Variants in CCDC141 observed in about 807,000 individuals in gnomAD.
CCDC141 encodes coiled-coil domain containing 141.
CCDC141 carries 168 observed loss-of-function variants against 181.0 expected under a neutral mutation model. That is an observed-to-expected ratio of 0.93 (90% CI 0.82 to 1.05). The LOEUF is 1.05. Among genes scored for constraint, CCDC141 ranks in the 50% least tolerant of loss-of-function variants. The pLI is 0.00. For missense variants in CCDC141, 1,902 were observed against 1,788.5 expected (o/e 1.06, Z -1.14); for synonymous variants, 666 against 642.3 (o/e 1.04, Z -0.56).
chr2:179,000,121 C>T (rs1008718024), intron 2 of CCDC141, among the ~76,000 whole-genome samples: 3 of 150,822 alleles, frequency 2.0e-5, no homozygotes, highest in African/African-American at 7.3e-5. Flanking sequence ...CAGTATAGAT[C>T]ATGGATCAAC....
At position 178,831,707 on chromosome 2, in the gene CCDC141, T is replaced by C. The variant is rs1036661171; in HGVS notation, c.*2466A>G. The C allele has an allele frequency of 1.3e-5, 2 of 152,134 alleles. No individual in the cohort carries two copies. Among genetic ancestry groups the C allele is most frequent in the East Asian group, 3.9e-4 (2 of 5,194 alleles). 9.4% of individuals were successfully genotyped at this position (152,134 alleles called of 1,614,324 possible). A position where few individuals can be genotyped will look rare whatever the true frequency, so the allele number is the denominator to read the frequency against. On this transcript the variant is annotated 3_prime_UTR_variant, in exon 24 of 24. Coordinates refer to ENST00000443758, the MANE Select transcript of CCDC141 (RefSeq NM_173648.4). ...CACTTAACTTTTTGAAATTAAAACA[T>C]AACCAGAAGAATAACTGCGTAATTA...
At chr2:178,863,229 A>C (rs1236209624) in intron 17 of CCDC141, among the ~76,000 whole-genome samples, 1 of 152,186 alleles carries the variant, frequency 6.6e-6, no homozygotes, top group Non-Finnish European at 1.5e-5. Context: ...TATGCTCCTC[A>C]GTTTTCCCAT....
intron 2 of CCDC141, among the ~76,000 whole-genome samples, chr2:179,015,278 C>CTA (rs2042441747): frequency 1.8e-5 from 2 of 111,944 alleles, no homozygotes; most frequent in Non-Finnish European, 3.7e-5. Context: ...TATATCTCAT[C>CTA]TATCTCTCAT....
At chr2:178,955,065 A>G (rs554759627) in intron 5 of CCDC141, among the ~76,000 whole-genome samples, 2 of 152,236 alleles carry the variant, frequency 1.3e-5, no homozygotes, top group Non-Finnish European at 2.9e-5. Flanking sequence ...GCAGCAGATC[A>G]CTTGAGCCCA....
intron 17 of CCDC141, among the ~76,000 whole-genome samples, chr2:178,860,407 C>G (rs10930838): frequency 0.043 from 6,505 of 151,644 alleles, 182 homozygotes; most frequent in East Asian, 0.15. Flanking sequence ...GTGGTGCATG[C>G]CTGTAATCAC....
chr2:179,015,717 ATC>A (rs2154385190), intron 2 of CCDC141, among the ~76,000 whole-genome samples: 1 of 142,488 alleles, frequency 7.0e-6, no homozygotes, highest in African/African-American at 2.6e-5. Flanking sequence ...TCTCATACAT[ATC>A]TCATATATAT....
intron 14 of CCDC141, among the ~76,000 whole-genome samples, chr2:178,870,949 A>G (rs1274358805): frequency 6.6e-6 from 1 of 152,046 alleles, no homozygotes; most frequent in Non-Finnish European, 1.5e-5. Flanking sequence ...GGTGGAGTGG[A>G]GGGCACAGCA....
At chr2:178,846,672 C>T (rs1165134709) in intron 21 of CCDC141, among the ~76,000 whole-genome samples, 1 of 152,126 alleles carries the variant, frequency 6.6e-6, no homozygotes, top group African/African-American at 2.4e-5. Context: ...GGAAAGAATG[C>T]TAGATTTTGA....
intron 20 of CCDC141, among the ~76,000 whole-genome samples, chr2:178,852,455 G>A (rs1218498382): frequency 6.6e-6 from 1 of 152,132 alleles, no homozygotes; most frequent in Non-Finnish European, 1.5e-5. Context: ...GCACTCACAC[G>A]GTAACTCCAG....
intron 3 of CCDC141, among the ~76,000 whole-genome samples, chr2:178,975,881 C>T (rs1046204040): frequency 8.6e-5 from 13 of 151,952 alleles, no homozygotes; most frequent in African/African-American, 2.9e-4. Flanking sequence ...GCATTTTTAT[C>T]AATAATTTGT....
chr2:178,973,690 G>A (rs1368037792), intron 4 of CCDC141, among the ~76,000 whole-genome samples: 1 of 152,158 alleles, frequency 6.6e-6, no homozygotes, highest in Non-Finnish European at 1.5e-5. Flanking sequence ...CAAGCCCCCA[G>A]TCCCTCTGGA....
In CCDC141 at chr2:178,888,759, G is replaced by A. The variant is rs778814651; in HGVS notation, c.1266-91C>T. On this transcript the variant is annotated intron_variant, in intron 8 of 23. Transcript: ENST00000443758. ...AGATCTGCTCTCATGTTAGGTAGGC[G>A]TTGGTAAAAGGCATCAGCTTTAGGA... is the stretch of plus-strand genomic sequence containing the variant. 1.7e-4 allele frequency: 240 copies of A among 1,374,194 alleles called. 1 individual carries two copies. Among genetic ancestry groups the A allele is most frequent in the South Asian group, 6.7e-4 (50 of 74,948 alleles). 85.1% of individuals were successfully genotyped at this position (1,374,194 alleles called of 1,614,324 possible).
At chr2:179,044,258 T>C (rs891174862) in intron 2 of CCDC141, among the ~76,000 whole-genome samples, 15 of 152,208 alleles carry the variant, frequency 9.9e-5, no homozygotes, top group African/African-American at 4.8e-5. Flanking sequence ...TTCAATACTA[T>C]TCCCATTAAA....
chr2:178,905,258 T>A (rs759262076), intron 8 of CCDC141, 71 bp downstream of exon 8: 2 of 1,325,304 alleles, frequency 1.5e-6, no homozygotes. Flanking sequence ...CAATCATGCA[T>A]CTTATTTTTA....
intron 17 of CCDC141, among the ~76,000 whole-genome samples, chr2:178,860,385 C>A (rs1016275179): frequency 6.6e-6 from 1 of 151,258 alleles, no homozygotes; most frequent in Admixed American, 6.6e-5. Context: ...ATACAAAAAT[C>A]AGCTGGGCAT....
intron 4 of CCDC141, among the ~76,000 whole-genome samples, chr2:178,969,537 C>T (rs187317379): frequency 1.1e-4 from 16 of 152,256 alleles, no homozygotes; most frequent in East Asian, 1.9e-4. Flanking sequence ...ATGATTATCT[C>T]AATAGATGCA....
intron 20 of CCDC141, 24 bp from the exon 21 acceptor site, chr2:178,850,185 A>G: frequency 7.7e-7 from 1 of 1,301,982 alleles, no homozygotes; most frequent in South Asian, 1.2e-5. Context: ...GGATGAAACT[A>G]GTTTTAAAGG....
At chr2:178,857,204 A>T (rs76580576) in intron 17 of CCDC141, among the ~76,000 whole-genome samples, 10,775 of 152,192 alleles carry the variant, frequency 0.071, 1,208 homozygotes, top group East Asian at 0.57. Context: ...TCATGTATAC[A>T]TTTATTAAGG....
chr2:178,837,613 T>G lies in CCDC141; in HGVS notation c.3606A>C (p.Ser1202=). Residue 1202 remains serine (S), a synonymous_variant, in exon 23 of 24, where the codon TCA becomes TCC. Transcript: ENST00000443758. The part of the protein sequence containing the change: ...QDLLLPEDML[S]GEEYECVSPD... ...GTGAGACACACTCATATTCTTCCCC[T>G]GAGAGCATGTCTTCAGGCAGGAGCA... The G allele has an allele frequency of 6.2e-7, 1 of 1,614,054 alleles. No individual in the cohort carries two copies. Among genetic ancestry groups the G allele is most frequent in the South Asian group, 1.1e-5 (1 of 91,080 alleles).
Sources: allele counts gnomAD v4.1 joint callset (sites outside exome capture counted in the v4.1 genomes callset), GRCh38; gene constraint gnomAD v4.1.1; transcripts MANE v1.5; gene names NCBI Gene and HGNC (gene_info 2026-07-23, HGNC 2026-07-21).